The following TMEM178B variants were observed in gnomAD, a reference collection of about 807,000 sequenced individuals.
TMEM178B encodes the protein transmembrane protein 178B.
In TMEM178B, 5 loss-of-function variants were observed where a neutral mutation model predicts 31.0. The observed-to-expected ratio is 0.16, with a 90% CI of 0.08 to 0.34. The LOEUF is 0.34. Ranked by LOEUF, TMEM178B falls within the 10% of genes least tolerant of loss-of-function variation. TMEM178B has a pLI of 1.00. For missense variants in TMEM178B, 275 were observed against 400.3 expected (o/e 0.69, Z 2.67); for synonymous variants, 164 against 164.0 (o/e 1.00, Z 0.00).
chr7:141,166,102 A>G (rs1177024467), intron 1 of TMEM178B, among the ~76,000 whole-genome samples: 1 of 152,214 alleles, frequency 6.6e-6, no homozygotes, highest in East Asian at 1.9e-4. Context: ...GTCAAAGACA[A>G]CCAGCAGCAT....
At chr7:141,127,719 T>A (rs893018116) in intron 1 of TMEM178B, among the ~76,000 whole-genome samples, 1 of 152,200 alleles carries the variant, frequency 6.6e-6, no homozygotes, top group African/African-American at 2.4e-5. Context: ...GGAAGTTTTT[T>A]ATGGCAGTCC....
chr7:141,228,419 G>A (rs779033114), intron 2 of TMEM178B, among the ~76,000 whole-genome samples: 1 of 151,572 alleles, frequency 6.6e-6, no homozygotes, highest in Non-Finnish European at 1.5e-5. Flanking sequence ...TTCTCATCTA[G>A]GGGTCATGAA....
At chr7:141,360,021 C>A (rs974535374) in intron 2 of TMEM178B, among the ~76,000 whole-genome samples, 13 of 152,164 alleles carry the variant, frequency 8.5e-5, no homozygotes, top group Non-Finnish European at 1.6e-4. Flanking sequence ...TCAATTATCT[C>A]CCACCGGGTT....
At chr7:141,285,177 T>TTTTC (rs1233859035) in intron 2 of TMEM178B, among the ~76,000 whole-genome samples, 129 of 140,184 alleles carry the variant, frequency 9.2e-4, no homozygotes, top group African/African-American at 2.2e-3. Flanking sequence ...TTTTTTTTTT[T>TTTTC]TGAGACGTAG....
chr7:141,509,644 C>T, the TMEM178B span, among the ~76,000 whole-genome samples: 2 of 152,110 alleles, frequency 1.3e-5, no homozygotes, highest in Non-Finnish European at 2.9e-5. Context: ...GACAGAGATT[C>T]CTTCTCAAAA....
At chr7:141,155,626 G>A (rs1172992486) in intron 1 of TMEM178B, among the ~76,000 whole-genome samples, 2 of 152,166 alleles carry the variant, frequency 1.3e-5, no homozygotes, top group Non-Finnish European at 2.9e-5. Flanking sequence ...CCATCCTGGG[G>A]TCAGGCTAGC....
At chr7:141,233,296 A>T (rs1797476097) in intron 2 of TMEM178B, among the ~76,000 whole-genome samples, 1 of 152,214 alleles carries the variant, frequency 6.6e-6, no homozygotes, top group Admixed American at 6.5e-5. Flanking sequence ...ACATTTCTTT[A>T]ATCAAACAAA....
At chr7:141,396,451 C>A (rs1237271682) in intron 2 of TMEM178B, among the ~76,000 whole-genome samples, 2 of 152,194 alleles carry the variant, frequency 1.3e-5, no homozygotes, top group African/African-American at 4.8e-5. Context: ...CGGCATTTGC[C>A]GCCTTGAAGG....
intron 2 of TMEM178B, among the ~76,000 whole-genome samples, chr7:141,275,793 T>C (rs1798257272): frequency 6.6e-6 from 1 of 152,186 alleles, no homozygotes; most frequent in Non-Finnish European, 1.5e-5. Context: ...TTGTACAGAA[T>C]TCATTATCAC....
the TMEM178B span, among the ~76,000 whole-genome samples, chr7:141,505,428 C>T: frequency 2.0e-5 from 3 of 152,262 alleles, no homozygotes; most frequent in South Asian, 6.2e-4. Flanking sequence ...TATCTGTGTG[C>T]CATTATGAGT....
chr7:141,281,009 T>C (rs531847869), intron 2 of TMEM178B, among the ~76,000 whole-genome samples: 2 of 152,186 alleles, frequency 1.3e-5, no homozygotes, highest in Non-Finnish European at 2.9e-5. Context: ...TGAAGCACAA[T>C]CTTTTGATGA....
chr7:141,125,706 A>G (rs2129176999), intron 1 of TMEM178B, among the ~76,000 whole-genome samples: 1 of 152,062 alleles, frequency 6.6e-6, no homozygotes, highest in South Asian at 2.1e-4. Context: ...AAGAAAAAGA[A>G]AAAGAAAAGA....
chr7:141,355,694 T>C (rs893717509), intron 2 of TMEM178B, among the ~76,000 whole-genome samples: 1 of 152,218 alleles, frequency 6.6e-6, no homozygotes, highest in Non-Finnish European at 1.5e-5. Flanking sequence ...TAGTTTTGTT[T>C]TTATCACCTG....
At chr7:141,377,143 C>T (rs193034926) in intron 2 of TMEM178B, among the ~76,000 whole-genome samples, 34 of 150,898 alleles carry the variant, frequency 2.3e-4, no homozygotes, top group African/African-American at 7.5e-4. Flanking sequence ...TTCTGTAATC[C>T]ATGGGGGCTA....
At chr7:141,393,180 G>A (rs1048640647) in intron 2 of TMEM178B, among the ~76,000 whole-genome samples, 13 of 152,116 alleles carry the variant, frequency 8.5e-5, no homozygotes, top group African/African-American at 2.7e-4. Context: ...CTCCTGGGGC[G>A]AAATGGGAGG....
intron 2 of TMEM178B, among the ~76,000 whole-genome samples, chr7:141,427,835 A>C (rs1801349101): frequency 6.6e-6 from 1 of 152,260 alleles, no homozygotes; most frequent in Non-Finnish European, 1.5e-5. Flanking sequence ...AATATATAAG[A>C]AACTAAACAA....
In TMEM178B at chr7:141,311,636, C is replaced by T. The variant is rs534662030; in HGVS notation, c.496+98932C>T. ...CCAATTCTCTTCTCTGATTTTCTAC[C>T]ATTTGTCTTTATGCTTAGACATTTC... is the stretch of plus-strand genomic sequence containing the variant. On this transcript the variant is annotated intron_variant, in intron 2 of 3. Transcript: ENST00000565468. Among the ~76,000 whole-genome samples, 43 of 152,142 alleles carry T rather than the reference C, an allele frequency of 2.8e-4. No homozygotes were observed. In the South Asian group the frequency reaches 3.5e-3, roughly 13 times the overall value.
At chr7:141,350,793 CA>C (rs1408918703) in intron 2 of TMEM178B, among the ~76,000 whole-genome samples, 1 of 152,080 alleles carries the variant, frequency 6.6e-6, no homozygotes, top group Non-Finnish European at 1.5e-5. Flanking sequence ...TACACACACA[CA>C]AAACAAAAGA....
At chr7:141,118,334 T>C (rs542405273) in intron 1 of TMEM178B, among the ~76,000 whole-genome samples, 32 of 152,342 alleles carry the variant, frequency 2.1e-4, no homozygotes, top group Non-Finnish European at 4.3e-4. Flanking sequence ...TGAGTCTAGA[T>C]TCAGGCAGCT....
Sources: gnomAD v4.1 joint callset for allele counts (sites outside exome capture counted in the v4.1 genomes callset) on GRCh38, gnomAD v4.1.1 for gene constraint, MANE v1.5 for transcripts, NCBI Gene and HGNC (gene_info 2026-07-23, HGNC 2026-07-21) for gene names.